Variants in PTPN3 observed in about 807,000 individuals in gnomAD.
The protein encoded by PTPN3 is protein tyrosine phosphatase non-receptor type 3.
In PTPN3, 96 loss-of-function variants were observed where a neutral mutation model predicts 132.7. The observed-to-expected ratio is 0.72, with a 90% CI of 0.61 to 0.86. The LOEUF is 0.86. Ranked by LOEUF, PTPN3 falls within the 40% of genes least tolerant of loss-of-function variation. The pLI, the probability that PTPN3 is intolerant of heterozygous loss-of-function variation, is 0.00. For synonymous variants in PTPN3, 398 were observed against 429.0 expected (o/e 0.93, Z 0.89); for missense variants, 1,125 against 1,159.6 (o/e 0.97, Z 0.43).
intron 16 of PTPN3, among the ~76,000 whole-genome samples, chr9:109,408,796 A>AAATAT (rs1377996219): frequency 1.0e-3 from 108 of 108,342 alleles, no homozygotes; most frequent in African/African-American, 3.1e-3. Context: ...AAAAAAAAAA[A>AAATAT]ATATATATAT....
chr9:109,482,421 A>T (rs1364490477), intron 1 of PTPN3, among the ~76,000 whole-genome samples: 1 of 152,218 alleles, frequency 6.6e-6, no homozygotes, highest in Non-Finnish European at 1.5e-5. Flanking sequence ...GCAACTAATT[A>T]AAACAAAGGA....
At chr9:109,532,652 A>G in the PTPN3 span, among the ~76,000 whole-genome samples, 1 of 152,068 alleles carries the variant, frequency 6.6e-6, no homozygotes, top group African/African-American at 2.4e-5. Flanking sequence ...GGTGAAAATA[A>G]TAAAAACCCC....
intron 25 of PTPN3, among the ~76,000 whole-genome samples, chr9:109,380,538 G>A (rs921033119): frequency 2.0e-5 from 3 of 152,220 alleles, no homozygotes; most frequent in Non-Finnish European, 2.9e-5. Flanking sequence ...TTATAGGCGT[G>A]AGCCACCGTG....
Position 109,379,374 on chromosome 9 carries a change from T to C in PTPN3, c.*182A>G. On this transcript the variant is annotated 3_prime_UTR_variant, in exon 26 of 26. Transcript: ENST00000374541. Reference sequence around the variant, plus strand: ...CCTAAATGATGCCATAATTGCATGCTTATCTACACCAGTTCCTATGTACAC... The same window carrying C: ...CCTAAATGATGCCATAATTGCATGCCTATCTACACCAGTTCCTATGTACAC... 1.7e-6 allele frequency: 1 copy of C among 595,048 alleles called. No homozygotes were observed. The highest frequency in any genetic ancestry group is 2.8e-5 in the East Asian group (1 of 35,700). The allele number at this position is 595,048 out of a possible 1,614,324, so 36.9% of individuals were successfully genotyped here.
Position 109,381,702 on chromosome 9 carries a change from C to T in PTPN3, c.2614G>A (p.Asp872Asn). The change falls in exon 25 of 26, where the codon GAT becomes AAT. Residue 872 changes from aspartate to asparagine, a missense_variant. Physicochemically the swap from Asp to Asn is conservative, Grantham distance 23 (BLOSUM62 1). Coordinates refer to ENST00000374541, the MANE Select transcript of PTPN3 (RefSeq NM_002829.4). ...TERNLPIYPLDIVRKMRDQRA... is the reference protein window; with the variant it reads ...TERNLPIYPLNIVRKMRDQRA... ...TGGTCTCGCATTTTTCGGACAATAT[C>T]CAGTGGGTAAATGGGCAGGTTCCTC... The T allele has an allele frequency of 1.2e-6, 2 of 1,614,186 alleles. No homozygotes were observed. The highest frequency in any genetic ancestry group is 1.7e-6 in the Non-Finnish European group (2 of 1,179,994).
intron 14 of PTPN3, among the ~76,000 whole-genome samples, chr9:109,418,248 G>A (rs1257220388): frequency 6.6e-6 from 1 of 152,228 alleles, no homozygotes; most frequent in Non-Finnish European, 1.5e-5. Flanking sequence ...TCTCTGATTT[G>A]CTCCGGTGTT....
the PTPN3 span, chr9:109,511,501 G>C: frequency 6.5e-6 from 1 of 153,596 alleles, no homozygotes. Flanking sequence ...ATATCTACCT[G>C]CCATGTTTGT....
intron 19 of PTPN3, among the ~76,000 whole-genome samples, chr9:109,400,789 C>T (rs1841023090): frequency 6.6e-6 from 1 of 152,216 alleles, no homozygotes; most frequent in South Asian, 2.1e-4. Flanking sequence ...TCCTTTAAAG[C>T]CTGTGGCACA....
the PTPN3 span, among the ~76,000 whole-genome samples, chr9:109,509,360 A>G: frequency 1.2e-4 from 19 of 152,212 alleles, no homozygotes; most frequent in African/African-American, 4.6e-4. Flanking sequence ...CAACCTTCAT[A>G]TTTCTCTCAA....
intron 6 of PTPN3, among the ~76,000 whole-genome samples, chr9:109,448,367 T>C (rs1197840956): frequency 3.3e-5 from 5 of 152,200 alleles, no homozygotes; most frequent in African/African-American, 1.2e-4. Flanking sequence ...TTCTAGCTAC[T>C]GAGATGGTCT....
chr9:109,410,306 G>A lies in PTPN3; in HGVS notation c.1423C>T (p.Gln475Ter). 1 of 1,614,146 alleles carries A rather than the reference G, an allele frequency of 6.2e-7. No individual in the cohort carries two copies. The highest frequency in any genetic ancestry group is 8.5e-7 in the Non-Finnish European group (1 of 1,180,042). ...CTGTGGAAGTCATCTAAGAGCTGCT[G>A]ATCAACGCCGTCAGGTGAGCAGGAG... ...PGSCSPDGVD[Q>*]QLLDDFHRVT... The change falls in exon 15 of 26, where the codon CAG becomes TAG. Residue 475 changes from glutamine (Q) to a stop codon, truncating the protein, a stop_gained. Coordinates refer to ENST00000374541, the MANE Select transcript of PTPN3 (RefSeq NM_002829.4). LOFTEE classifies it high-confidence loss of function.
At chr9:109,533,771 G>T in the PTPN3 span, 1 of 1,317,294 alleles carries the variant, frequency 7.6e-7, no homozygotes, top group Non-Finnish European at 1.1e-6. Flanking sequence ...CCTGCTGTAG[G>T]GCCGGCGTGG....
chr9:109,536,463 C>T, the PTPN3 span, among the ~76,000 whole-genome samples: 6 of 152,300 alleles, frequency 3.9e-5, no homozygotes, highest in South Asian at 2.1e-4. Flanking sequence ...TAATAGAGTA[C>T]ATTCAAGACA....
chr9:109,437,072 A>G lies in PTPN3; in HGVS notation c.588-102T>C, dbSNP rs1844107510. The stretch of plus-strand genomic sequence containing the variant: ...CATTTGATACCATTTCTGTAAGGTT[A>G]TTAAATGCCTTATGTTATCAATCTT... On this transcript the variant is annotated intron_variant, in intron 8 of 25. Coordinates refer to ENST00000374541, the MANE Select transcript of PTPN3 (RefSeq NM_002829.4). The G allele has an allele frequency of 5.9e-6, 9 of 1,525,162 alleles. No homozygotes were observed. The South Asian group carries it at 7.4e-5, about 13-fold the overall frequency. The allele number at this position is 1,525,162 out of a possible 1,614,324, so 94.5% of individuals were successfully genotyped here.
At chr9:109,457,671 T>C (rs1845633464) in intron 2 of PTPN3, among the ~76,000 whole-genome samples, 1 of 152,172 alleles carries the variant, frequency 6.6e-6, no homozygotes, top group South Asian at 2.1e-4. Flanking sequence ...CAAGTGATAA[T>C]GTCTAAATCG....
intron 10 of PTPN3, among the ~76,000 whole-genome samples, chr9:109,431,210 A>G (rs561951524): frequency 2.0e-5 from 3 of 152,320 alleles, no homozygotes; most frequent in African/African-American, 7.2e-5. Flanking sequence ...GGCTCTGCCA[A>G]AAAGGCTTCT....
the PTPN3 span, among the ~76,000 whole-genome samples, chr9:109,527,373 A>C: frequency 6.6e-6 from 1 of 152,224 alleles, no homozygotes; most frequent in Non-Finnish European, 1.5e-5. Flanking sequence ...AAGAATGAGA[A>C]TTGCTTGAGC....
rs1846451431 is a variant in PTPN3, at chr9:109,472,922, C to A, written c.-17-9471G>T. On this transcript the variant is annotated intron_variant, in intron 1 of 25. Coordinates refer to ENST00000374541, the MANE Select transcript of PTPN3 (RefSeq NM_002829.4). Reference sequence around the variant, plus strand: ...AGCCAAGAAACAAATTTATCCTGAACCTATATACTAAAACATTAATTTTTA... The same window carrying A: ...AGCCAAGAAACAAATTTATCCTGAAACTATATACTAAAACATTAATTTTTA... Among the ~76,000 whole-genome samples, 3 of 152,192 alleles carry A rather than the reference C, an allele frequency of 2.0e-5. No homozygotes were observed. In the South Asian group the frequency reaches 6.2e-4, roughly 32 times the overall value.
intron 1 of PTPN3, among the ~76,000 whole-genome samples, chr9:109,470,694 CAA>C (rs11387851): frequency 1.4e-5 from 2 of 143,808 alleles, no homozygotes. Context: ...AGACCTCATC[CAA>C]AAAAAAAAAA....
Sources: allele counts gnomAD v4.1 joint callset (sites outside exome capture counted in the v4.1 genomes callset), GRCh38; gene constraint gnomAD v4.1.1; transcripts MANE v1.5; gene names NCBI Gene and HGNC (gene_info 2026-07-23, HGNC 2026-07-21).